CNTN4: variants seen among roughly 807,000 people sequenced by gnomAD.
The protein encoded by CNTN4 is contactin 4.
Under a neutral mutation model 122.5 loss-of-function variants are expected in CNTN4, and 77 were observed. The observed-to-expected ratio is 0.63, with a 90% CI of 0.52 to 0.76. The LOEUF (loss-of-function observed/expected upper bound fraction) is 0.76. CNTN4 is among the 30% of genes least tolerant of loss of function. The pLI is 0.00. For synonymous variants in CNTN4, 512 were observed against 447.0 expected (o/e 1.15, Z -1.83); for missense variants, 1,256 against 1,259.1 (o/e 1.00, Z 0.04).
In CNTN4 at chr3:2,381,155, G is replaced by A. The variant is rs188414767; in HGVS notation, c.-89+41922G>A. Among the ~76,000 whole-genome samples, 1,302 of 151,500 alleles carry A rather than the reference G, an allele frequency of 8.6e-3. 12 individuals are homozygous for A. The highest frequency in any genetic ancestry group is 0.029 in the African/African-American group (1,212 of 41,296). On this transcript the variant is annotated intron_variant, in intron 3 of 24. Coordinates refer to ENST00000418658, the MANE Select transcript of CNTN4 (RefSeq NM_175607.3). ...TGAGTAGCTGGGACTACAGGCGCCC[G>A]CCACCACACCCGGCTAATTTTTTTG...
Position 2,928,427 on chromosome 3 carries a change from A to G in CNTN4, c.1358+2648A>G, listed in dbSNP as rs116241650. 9.9e-3 allele frequency among the ~76,000 whole-genome samples: 1,501 copies of G among 152,294 alleles called. 25 individuals are homozygous for G. Among genetic ancestry groups the G allele is most frequent in the African/African-American group, 0.034 (1,420 of 41,564 alleles). Reference sequence around the variant, plus strand: ...TTAAGTGGATGAGTGAGAAAAAGCAATTGTAGATGAAACTGATGAGTAAAA... The same window carrying G: ...TTAAGTGGATGAGTGAGAAAAAGCAGTTGTAGATGAAACTGATGAGTAAAA... On this transcript the variant is annotated intron_variant, in intron 13 of 24. Coordinates refer to ENST00000418658, the MANE Select transcript of CNTN4 (RefSeq NM_175607.3).
At chr3:2,979,764 C>A (rs997640328) in intron 13 of CNTN4, among the ~76,000 whole-genome samples, 13 of 152,242 alleles carry the variant, frequency 8.5e-5, no homozygotes, top group Admixed American at 4.6e-4. Flanking sequence ...TCCATAATTT[C>A]TTTCTTTGCA....
chr3:2,870,936 G>A (rs968389994), intron 8 of CNTN4, among the ~76,000 whole-genome samples: 1 of 152,148 alleles, frequency 6.6e-6, no homozygotes, highest in African/African-American at 2.4e-5. Flanking sequence ...GAGGTGTGAT[G>A]AGTCTCATGT....
At chr3:3,049,297 G>A (rs1211676435) in intron 23 of CNTN4, among the ~76,000 whole-genome samples, 2 of 152,072 alleles carry the variant, frequency 1.3e-5, no homozygotes, top group Non-Finnish European at 2.9e-5. Context: ...TGGCCAGGCT[G>A]GTCTTAAACT....
At chr3:2,503,506 T>C (rs1229029760) in intron 3 of CNTN4, among the ~76,000 whole-genome samples, 1 of 152,130 alleles carries the variant, frequency 6.6e-6, no homozygotes, top group Admixed American at 6.6e-5. Flanking sequence ...CTCATTTAAT[T>C]CCCATATCAT....
At chr3:2,338,544 T>A (rs1246308468) in intron 2 of CNTN4, among the ~76,000 whole-genome samples, 1 of 151,946 alleles carries the variant, frequency 6.6e-6, no homozygotes, top group Non-Finnish European at 1.5e-5. Flanking sequence ...GATACACATA[T>A]GAATAAACAT....
At chr3:2,928,515 C>A (rs939891388) in intron 13 of CNTN4, among the ~76,000 whole-genome samples, 2 of 152,150 alleles carry the variant, frequency 1.3e-5, no homozygotes, top group African/African-American at 4.8e-5. Context: ...GTGCAAAATT[C>A]TTTGACTACA....
chr3:2,446,683 C>G (rs1404832807), intron 3 of CNTN4, among the ~76,000 whole-genome samples: 1 of 152,146 alleles, frequency 6.6e-6, no homozygotes, highest in Non-Finnish European at 1.5e-5. Context: ...ACTCGGTTTA[C>G]TTAGGTTTGA....
intron 4 of CNTN4, among the ~76,000 whole-genome samples, chr3:2,583,624 A>G (rs1481372251): frequency 6.6e-6 from 1 of 152,238 alleles, no homozygotes; most frequent in Non-Finnish European, 1.5e-5. Context: ...ACAGTGGCAA[A>G]GAATATTTGT....
chr3:2,357,580 T>G (rs1224974071), intron 3 of CNTN4, among the ~76,000 whole-genome samples: 1 of 152,224 alleles, frequency 6.6e-6, no homozygotes, highest in Non-Finnish European at 1.5e-5. Context: ...AAATCCAGGC[T>G]GCAGAGAGAT....
intron 4 of CNTN4, among the ~76,000 whole-genome samples, chr3:2,670,223 G>A (rs2084422929): frequency 2.0e-5 from 3 of 152,204 alleles, no homozygotes; most frequent in African/African-American, 7.2e-5. Flanking sequence ...TTGTGTGGGA[G>A]TCTAAGTCCC....
intron 3 of CNTN4, among the ~76,000 whole-genome samples, chr3:2,545,609 T>C (rs1360114156): frequency 1.3e-5 from 2 of 152,044 alleles, no homozygotes; most frequent in South Asian, 2.1e-4. Flanking sequence ...TTTACTGTTA[T>C]GTAATGCCTT....
rs1452871476 is a variant in CNTN4 at position 2,120,401 on chromosome 3, A to ATTT, written c.-145+19763_-145+19764insTTT. On this transcript the variant is annotated intron_variant, in intron 2 of 24. Transcript: ENST00000418658. ...TATATATATATATATATATATATAT[A>ATTT]TATATTTTTTTTTTTTTTTTTATGC... 3.8e-4 allele frequency among the ~76,000 whole-genome samples: 12 copies of ATTT among 31,364 alleles called. 1 individual carries two copies. Among genetic ancestry groups the ATTT allele is most frequent in the African/African-American group, 8.6e-4 (9 of 10,468 alleles). 20.6% of individuals were successfully genotyped at this position (31,364 alleles called of 152,430 possible). A position where few individuals can be genotyped will look rare whatever the true frequency, so the allele number is the denominator to read the frequency against.
At chr3:2,870,329 C>G (rs564402244) in intron 8 of CNTN4, among the ~76,000 whole-genome samples, 1 of 152,184 alleles carries the variant, frequency 6.6e-6, no homozygotes, top group Admixed American at 6.5e-5. Flanking sequence ...AATGCCCACT[C>G]ATTCTTAATT....
At chr3:2,587,683 A>C (rs1238581955) in intron 4 of CNTN4, among the ~76,000 whole-genome samples, 2 of 152,244 alleles carry the variant, frequency 1.3e-5, no homozygotes. Flanking sequence ...GAAGATTATC[A>C]ATGGCATTTC....
chr3:2,495,433 T>C (rs1301726700), intron 3 of CNTN4, among the ~76,000 whole-genome samples: 1 of 152,224 alleles, frequency 6.6e-6, no homozygotes, highest in African/African-American at 2.4e-5. Flanking sequence ...GATGAATAAA[T>C]TCCTGAATCC....
chr3:2,198,692 A>ATATACTC (rs2149376762), intron 2 of CNTN4, among the ~76,000 whole-genome samples: 1 of 152,300 alleles, frequency 6.6e-6, no homozygotes, highest in Non-Finnish European at 1.5e-5. Context: ...CTTTCATAGA[A>ATATACTC]TATACTCGAG....
chr3:2,651,554 A>G (rs2083359054), intron 4 of CNTN4, among the ~76,000 whole-genome samples: 1 of 152,114 alleles, frequency 6.6e-6, no homozygotes, highest in Admixed American at 6.6e-5. Context: ...GAGTAGCATT[A>G]TCAAAATTAC....
At chr3:2,356,235 G>C (rs942370087) in intron 3 of CNTN4, among the ~76,000 whole-genome samples, 2 of 152,186 alleles carry the variant, frequency 1.3e-5, no homozygotes, top group South Asian at 2.1e-4. Context: ...ATTTTATTAA[G>C]AAAGTAAAGG....
Sources: allele counts gnomAD v4.1 joint callset (sites outside exome capture counted in the v4.1 genomes callset), GRCh38; gene constraint gnomAD v4.1.1; transcripts MANE v1.5; gene names NCBI Gene and HGNC (gene_info 2026-07-23, HGNC 2026-07-21).